C9orf85: variants seen among roughly 807,000 people sequenced by gnomAD.
C9orf85 encodes uncharacterized protein C9orf85.
In C9orf85, 16 loss-of-function variants were observed where a neutral mutation model predicts 14.9. That is an observed-to-expected ratio of 1.08 (90% CI 0.73 to 1.63). The LOEUF is 1.63. C9orf85 is among the 40% of genes most tolerant of loss of function. The probability of loss-of-function intolerance (pLI) is 0.00; values close to 1 mark genes in which losing one functional copy is unlikely to be tolerated. For missense variants in C9orf85, 172 were observed against 186.1 expected (o/e 0.92, Z 0.44); for synonymous variants, 45 against 56.8 (o/e 0.79, Z 0.93).
chr9:71,971,379 A>G (rs1288703908), intron 2 of C9orf85, 126 bp from the exon 3 acceptor site: 2 of 493,522 alleles, frequency 4.1e-6, no homozygotes, highest in Non-Finnish European at 3.5e-6. Flanking sequence ...TAAGATAAAC[A>G]CCTGAAATTG....
intron 3 of C9orf85, among the ~76,000 whole-genome samples, chr9:71,978,917 C>A (rs111492042): frequency 7.0e-4 from 106 of 152,252 alleles, no homozygotes; most frequent in Non-Finnish European, 1.4e-3. Context: ...TGCCTGTAGT[C>A]CCAGCTACTT....
chr9:71,924,369 G>GC (rs1827883953), intron 1 of C9orf85, among the ~76,000 whole-genome samples: 1 of 9,732 alleles, frequency 1.0e-4, no homozygotes. Flanking sequence ...ATTCTAAAAT[G>GC]TTAACGCAAA....
At chr9:71,940,096 TTAAGA>T (rs1828291500) in intron 1 of C9orf85, among the ~76,000 whole-genome samples, 1 of 152,046 alleles carries the variant, frequency 6.6e-6, no homozygotes. Context: ...GGAAAAACTA[TTAAGA>T]TAATGGAAAT....
intron 2 of C9orf85, among the ~76,000 whole-genome samples, chr9:71,963,955 T>C (rs1012814003): frequency 4.3e-4 from 66 of 152,268 alleles, no homozygotes; most frequent in African/African-American, 1.6e-3. Flanking sequence ...GGCAGCTCCA[T>C]CTGCAGCCCC....
chr9:71,983,474 T>G (rs151033014), downstream of C9orf85: 465 of 152,368 alleles, frequency 3.1e-3, 2 homozygotes, highest in African/African-American at 0.01. Flanking sequence ...ATTTTCTCGC[T>G]GTCTGTAATG....
chr9:71,938,038 G>C (rs114570488), intron 1 of C9orf85, among the ~76,000 whole-genome samples: 2,985 of 152,128 alleles, frequency 0.02, 65 homozygotes, highest in African/African-American at 0.055. Flanking sequence ...TGGGCTATTT[G>C]TATGACTAGC....
intron 2 of C9orf85, among the ~76,000 whole-genome samples, chr9:71,967,479 T>G (rs143946849): frequency 3.9e-5 from 6 of 152,294 alleles, no homozygotes; most frequent in African/African-American, 1.4e-4. Flanking sequence ...TCATAACTCT[T>G]TTGGCTGTTG....
chr9:71,931,545 G>A (rs1828069945), intron 1 of C9orf85, among the ~76,000 whole-genome samples: 1 of 152,124 alleles, frequency 6.6e-6, no homozygotes, highest in South Asian at 2.1e-4. Flanking sequence ...TGGAATAGTG[G>A]GGCAAATGAT....
chr9:71,955,655 A>T (rs1822363673), intron 2 of C9orf85, among the ~76,000 whole-genome samples: 1 of 152,192 alleles, frequency 6.6e-6, no homozygotes, highest in Non-Finnish European at 1.5e-5. Context: ...GTTATGTTAC[A>T]GTTCAGTATA....
chr9:71,935,380 G>A (rs1828165139), intron 1 of C9orf85, among the ~76,000 whole-genome samples: 1 of 152,116 alleles, frequency 6.6e-6, no homozygotes, highest in South Asian at 2.1e-4. Context: ...CTAGGGAAGA[G>A]TAGATAAGCA....
intron 2 of C9orf85, among the ~76,000 whole-genome samples, chr9:71,951,795 A>T (rs1236939766): frequency 4.6e-5 from 7 of 152,144 alleles, no homozygotes; most frequent in Admixed American, 3.3e-4. Context: ...CAAGTCATTC[A>T]TGAACCTGTA....
intron 2 of C9orf85, among the ~76,000 whole-genome samples, chr9:71,970,829 C>CT (rs72263039): frequency 0.93 from 133,225 of 142,758 alleles, 62,608 homozygotes; most frequent in East Asian, 1. Context: ...AATATTAAGT[C>CT]TTTTTTTTTT....
At chr9:71,981,864 A>G (rs998063447) in intron 3 of C9orf85, among the ~76,000 whole-genome samples, 5 of 152,162 alleles carry the variant, frequency 3.3e-5, no homozygotes, top group African/African-American at 1.2e-4. Flanking sequence ...CTTTTCTCAT[A>G]GTGATAATTG....
At chr9:71,939,783 A>G (rs141235858) in intron 1 of C9orf85, among the ~76,000 whole-genome samples, 5 of 152,312 alleles carry the variant, frequency 3.3e-5, no homozygotes, top group Admixed American at 3.3e-4. Context: ...ATGTGACAGG[A>G]TCTGAATCCA....
At chr9:71,939,008 T>C (rs903461956) in intron 1 of C9orf85, among the ~76,000 whole-genome samples, 13 of 151,770 alleles carry the variant, frequency 8.6e-5, no homozygotes, top group Non-Finnish European at 1.8e-4. Context: ...AAATATATAC[T>C]TGAAGTGCTG....
intron 3 of C9orf85, among the ~76,000 whole-genome samples, chr9:71,981,696 T>C (rs1055033126): frequency 4.6e-5 from 7 of 152,226 alleles, no homozygotes; most frequent in African/African-American, 1.7e-4. Flanking sequence ...CCTGAAATTA[T>C]GTATTTCCTC....
At chr9:71,935,960 CTG>C (rs1229643723) in intron 1 of C9orf85, among the ~76,000 whole-genome samples, 1 of 151,858 alleles carries the variant, frequency 6.6e-6, no homozygotes, top group Admixed American at 6.6e-5. Flanking sequence ...CGTCTTTACT[CTG>C]TAACCCATCT....
At chr9:71,919,955 T>C (rs1827752843) in intron 1 of C9orf85, among the ~76,000 whole-genome samples, 1 of 151,952 alleles carries the variant, frequency 6.6e-6, no homozygotes, top group Admixed American at 6.6e-5. Flanking sequence ...GTTCAAGCAC[T>C]TCTCCTGCCT....
chr9:71,977,307 C>T (rs1823022434), downstream of C9orf85, among the ~76,000 whole-genome samples: 1 of 152,204 alleles, frequency 6.6e-6, no homozygotes, highest in South Asian at 2.1e-4. Context: ...CAGTCAAATG[C>T]ATTCCCAGCT....
Sources: gnomAD v4.1 joint callset for allele counts (sites outside exome capture counted in the v4.1 genomes callset) on GRCh38, gnomAD v4.1.1 for gene constraint, MANE v1.5 for transcripts, NCBI Gene and HGNC (gene_info 2026-07-23, HGNC 2026-07-21) for gene names.